The following TIGAR variants were observed in gnomAD, a reference collection of about 807,000 sequenced individuals.
TIGAR encodes fructose-2,6-bisphosphatase TIGAR.
TIGAR carries 7 observed loss-of-function variants against 17.9 expected under a neutral mutation model. The ratio of observed to expected loss-of-function variants is 0.39; its 90% CI spans 0.22 to 0.73. The LOEUF (loss-of-function observed/expected upper bound fraction) is 0.73, where lower values mean the gene tolerates loss of function less well. Among genes scored for constraint, TIGAR ranks in the 30% least tolerant of loss-of-function variants. The pLI is 0.42. For missense variants in TIGAR, 258 were observed against 327.4 expected (o/e 0.79, Z 1.64); for synonymous variants, 94 against 108.6 (o/e 0.87, Z 0.84).
At position 4,344,860 on chromosome 12, in the gene TIGAR, G is replaced by A. The variant is rs570890815; in HGVS notation, c.193-4959G>A. Among the ~76,000 whole-genome samples, 9 of 152,274 alleles carry A rather than the reference G, an allele frequency of 5.9e-5. No individual in the cohort carries two copies. In the South Asian group the frequency reaches 1.5e-3, roughly 25 times the overall value. On this transcript the variant is annotated intron_variant, in intron 3 of 5. Transcript: ENST00000179259. ...TGCAGATGACATGATTGTATATCTA[G>A]AAAACCCCATTGTCTCAGCCCCAAA...
chr12:4,325,486 A>G (rs552623737), intron 1 of TIGAR, among the ~76,000 whole-genome samples: 20 of 152,162 alleles, frequency 1.3e-4, no homozygotes, highest in African/African-American at 4.6e-4. Context: ...AAGTCCTGCA[A>G]TCCCAGCACT....
At chr12:4,322,010 T>TTG (rs1864485875) in intron 1 of TIGAR, among the ~76,000 whole-genome samples, 1 of 144,928 alleles carries the variant, frequency 6.9e-6, no homozygotes, top group African/African-American at 2.5e-5. Context: ...TTTTTTTTTT[T>TTG]TGTGAGATGG....
At chr12:4,330,493 G>T (rs777738893) in intron 1 of TIGAR, among the ~76,000 whole-genome samples, 14 of 152,188 alleles carry the variant, frequency 9.2e-5, no homozygotes, top group Non-Finnish European at 1.5e-4. Context: ...AGTGCTCAAA[G>T]AAATTTCAGC....
In TIGAR at chr12:4,354,674, AT is replaced by A. The variant is rs1221108127; in HGVS notation, c.*1988del. ...CACTCTATTCTATTAAATATAGCAC[AT>A]TTTTGTTTATTAGTGGGCATTTAGG... On this transcript the variant is annotated 3_prime_UTR_variant, in exon 6 of 6. Transcript: ENST00000179259. 6.7e-6 allele frequency: 1 copy of A among 149,450 alleles called. No individual in the cohort carries two copies. The highest frequency in any genetic ancestry group is 1.5e-5 in the Non-Finnish European group (1 of 67,516). The allele number at this position is 149,450 out of a possible 1,614,324, so 9.3% of individuals were successfully genotyped here.
rs1322490895 is a variant in TIGAR at position 4,359,658 on chromosome 12, A to G, written c.*6967A>G. Among the ~76,000 whole-genome samples, 1 of 152,202 alleles carries G rather than the reference A, an allele frequency of 6.6e-6. No individual in the cohort carries two copies. The highest frequency in any genetic ancestry group is 2.4e-5 in the African/African-American group (1 of 41,446). Reference sequence around the variant, plus strand: ...TGGAGCTATTATGAATAAAGCTGCTATAAATATTTTTACAAGTCTTTTTGC... The same window carrying G: ...TGGAGCTATTATGAATAAAGCTGCTGTAAATATTTTTACAAGTCTTTTTGC... On this transcript the variant is annotated 3_prime_UTR_variant, in exon 6 of 6. Transcript: ENST00000179259.
chr12:4,334,178 G>C (rs2120661458), intron 2 of TIGAR, among the ~76,000 whole-genome samples: 1 of 152,254 alleles, frequency 6.6e-6, no homozygotes, highest in South Asian at 2.1e-4. Flanking sequence ...TGCTGTAACA[G>C]AGTATCATGG....
chr12:4,327,902 A>G (rs1360174987), intron 1 of TIGAR, among the ~76,000 whole-genome samples: 2 of 152,112 alleles, frequency 1.3e-5, no homozygotes, highest in Non-Finnish European at 2.9e-5. Flanking sequence ...TCCTGACCTC[A>G]TGATCCGCCT....
intron 1 of TIGAR, among the ~76,000 whole-genome samples, chr12:4,324,140 TTCAAGTCTA>T (rs1218707173): frequency 1.3e-5 from 2 of 152,216 alleles, no homozygotes; most frequent in Non-Finnish European, 2.9e-5. Flanking sequence ...GATTCCAGAA[TTCAAGTCTA>T]TCATCATTGT....
intron 3 of TIGAR, among the ~76,000 whole-genome samples, chr12:4,345,147 T>C (rs893464180): frequency 1.3e-5 from 2 of 152,154 alleles, no homozygotes; most frequent in Admixed American, 6.5e-5. Context: ...TGCTCATGGA[T>C]AGGAAGAATC....
chr12:4,344,039 G>T (rs1864753248), intron 3 of TIGAR, among the ~76,000 whole-genome samples: 1 of 152,128 alleles, frequency 6.6e-6, no homozygotes, highest in Admixed American at 6.6e-5. Flanking sequence ...AAATGATAAA[G>T]GGGATATCAC....
At position 4,352,778 on chromosome 12, in the gene TIGAR, G is replaced by T; in HGVS notation, c.*87G>T. 1 of 1,380,714 alleles carries T rather than the reference G, an allele frequency of 7.2e-7. No individual in the cohort carries two copies. The highest frequency in any genetic ancestry group is 9.7e-7 in the Non-Finnish European group (1 of 1,034,876). 85.5% of individuals were successfully genotyped at this position (1,380,714 alleles called of 1,614,324 possible). ...TTTACTTCTCTCCTCTGCTAGTTCT[G>T]ATTTGGAAACAGTTAAAAGCCAATT... is the stretch of plus-strand genomic sequence containing the variant. On this transcript the variant is annotated 3_prime_UTR_variant, in exon 6 of 6. Transcript: ENST00000179259.
intron 3 of TIGAR, among the ~76,000 whole-genome samples, chr12:4,343,091 T>C (rs935716945): frequency 6.6e-6 from 1 of 152,132 alleles, no homozygotes; most frequent in African/African-American, 2.4e-5. Context: ...GCAGTTCTAG[T>C]CTCTGATAAA....
intron 1 of TIGAR, among the ~76,000 whole-genome samples, chr12:4,325,741 CA>C (rs11447841): frequency 0.28 from 31,807 of 111,708 alleles, 3,484 homozygotes; most frequent in African/African-American, 0.37. Context: ...AAACTCGTCT[CA>C]AAAAAAAAAA....
chr12:4,323,074 T>C (rs1284638253), intron 1 of TIGAR, among the ~76,000 whole-genome samples: 2 of 142,284 alleles, frequency 1.4e-5, no homozygotes, highest in Non-Finnish European at 3.0e-5. Context: ...AAGACCAGCC[T>C]GGGCAACATG....
Position 4,358,728 on chromosome 12 carries a change from T to G in TIGAR, c.*6037T>G, listed in dbSNP as rs1864941347. Among the ~76,000 whole-genome samples the G allele has an allele frequency of 6.6e-6, 1 of 151,848 alleles. No individual in the cohort carries two copies. Among genetic ancestry groups the G allele is most frequent in the African/African-American group, 2.4e-5 (1 of 41,390 alleles). The stretch of plus-strand genomic sequence containing the variant: ...TATTTTGTTGATGTACCTGTGGCTT[T>G]TTTTTTTTTTCTGAATCAAGAATCC... On this transcript the variant is annotated 3_prime_UTR_variant, in exon 6 of 6. Transcript: ENST00000179259.
chr12:4,353,493 A>G lies in TIGAR; in HGVS notation c.*802A>G. 1 of 144,398 alleles carries G rather than the reference A, an allele frequency of 6.9e-6. No homozygotes were observed. The highest frequency in any genetic ancestry group is 2.3e-4 in the East Asian group (1 of 4,428). The allele number at this position is 144,398 out of a possible 1,614,324, so 8.9% of individuals were successfully genotyped here. A position where few individuals can be genotyped will look rare whatever the true frequency, so the allele number is the denominator to read the frequency against. On this transcript the variant is annotated 3_prime_UTR_variant, in exon 6 of 6. Transcript: ENST00000179259. ...AGGCTCTAAAGAAAGTAAACAGTTA[A>G]CAGAACACCACACAGTAATCAGAAT...
chr12:4,341,456 G>A (rs1341356715), intron 3 of TIGAR, among the ~76,000 whole-genome samples: 2 of 152,190 alleles, frequency 1.3e-5, no homozygotes, highest in Non-Finnish European at 2.9e-5. Context: ...ATGGGTCCCT[G>A]ACCCCCGAGT....
chr12:4,347,885 C>A (rs1234539376), intron 3 of TIGAR, among the ~76,000 whole-genome samples: 1 of 152,136 alleles, frequency 6.6e-6, no homozygotes, highest in Admixed American at 6.6e-5. Flanking sequence ...CCTGAAATTG[C>A]AGCACTTTGG....
rs1864950826 is a variant in TIGAR at position 4,359,368 on chromosome 12, T to C, written c.*6677T>C. Reference sequence around the variant, plus strand: ...TAATCTCATCCTTCTTTAAGTACTTTCTTTCTGGTATTAACAATATGCTCC... The same window carrying C: ...TAATCTCATCCTTCTTTAAGTACTTCCTTTCTGGTATTAACAATATGCTCC... On this transcript the variant is annotated 3_prime_UTR_variant, in exon 6 of 6. Transcript: ENST00000179259. 6.6e-6 allele frequency among the ~76,000 whole-genome samples: 1 copy of C among 152,160 alleles called. No homozygotes were observed. Among genetic ancestry groups the C allele is most frequent in the Admixed American group, 6.5e-5 (1 of 15,280 alleles).
Sources: gnomAD v4.1 joint callset for allele counts (sites outside exome capture counted in the v4.1 genomes callset) on GRCh38, gnomAD v4.1.1 for gene constraint, MANE v1.5 for transcripts, NCBI Gene and HGNC (gene_info 2026-07-23, HGNC 2026-07-21) for gene names.